VIRMA: variants seen among roughly 807,000 people sequenced by gnomAD.
VIRMA encodes the protein vir like m6A methyltransferase associated, also known as protein virilizer homolog.
VIRMA carries 65 observed loss-of-function variants against 182.4 expected under a neutral mutation model. That is an observed-to-expected ratio of 0.36 (90% CI 0.29 to 0.44). VIRMA has a LOEUF of 0.44. Among genes scored for constraint, VIRMA ranks in the 20% least tolerant of loss-of-function variants. The pLI is 1.00. For synonymous variants in VIRMA, 709 were observed against 743.1 expected, an observed-to-expected ratio of 0.95 and a Z score of 0.75; for missense variants, 1,752 against 2,158.1, an observed-to-expected ratio of 0.81 and a Z score of 3.73.
chr8:94,512,140 T>C (rs1814402700), intron 11 of VIRMA, 51 bp from the exon 12 acceptor site: 1 of 861,772 alleles, frequency 1.2e-6, no homozygotes, highest in Non-Finnish European at 1.6e-6. Context: ...ACCCATGAGA[T>C]CAACAGAAAA....
intron 4 of VIRMA, among the ~76,000 whole-genome samples, chr8:94,535,643 G>A (rs1306496845): frequency 1.3e-5 from 2 of 152,028 alleles, no homozygotes; most frequent in Non-Finnish European, 2.9e-5. Context: ...ATTAGCCAGG[G>A]TGGTGGCGGC....
rs201005475 is a variant in VIRMA at position 94,512,001 on chromosome 8, A to T, written c.2840T>A (p.Val947Asp). The T allele has an allele frequency of 6.6e-7, 1 of 1,519,446 alleles. No homozygotes were observed. Among genetic ancestry groups the T allele is most frequent in the East Asian group, 2.5e-5 (1 of 39,750 alleles). 94.1% of individuals were successfully genotyped at this position (1,519,446 alleles called of 1,614,324 possible). A position where few individuals can be genotyped will look rare whatever the true frequency, so the allele number is the denominator to read the frequency against. The change falls in exon 12 of 24, where the codon GTT becomes GAT. Residue 947 changes from valine to aspartate, a missense_variant. By Grantham distance (152) the Val-to-Asp change is radical. Transcript: ENST00000297591. ...LCNVACPPPP[V>D]EGQQKDLKWN... ...AAATACAGTAGCCACATTACCTTCA[A>T]CAGGAGGTGGTGGGCATGCAACATT...
intron 14 of VIRMA, 61 bp downstream of exon 14, chr8:94,510,356 G>T: frequency 7.3e-7 from 1 of 1,375,038 alleles, no homozygotes; most frequent in Non-Finnish European, 1.0e-6. Flanking sequence ...AATTGTAAGG[G>T]AAAAAATATA....
intron 7 of VIRMA, among the ~76,000 whole-genome samples, chr8:94,528,542 C>A (rs992954570): frequency 1.6e-4 from 24 of 152,210 alleles, no homozygotes; most frequent in African/African-American, 5.8e-4. Context: ...GTATCTCTCA[C>A]TTTTTGCTTT....
intron 8 of VIRMA, among the ~76,000 whole-genome samples, chr8:94,520,842 T>C (rs1447509904): frequency 1.3e-5 from 2 of 152,124 alleles, no homozygotes; most frequent in Admixed American, 1.3e-4. Context: ...TTAGTATCTC[T>C]AGGGAAAAAG....
chr8:94,528,231 C>CAAAAAAAAAAA (rs11368037), intron 7 of VIRMA, among the ~76,000 whole-genome samples: 6 of 91,822 alleles, frequency 6.5e-5, no homozygotes, highest in Admixed American at 1.1e-4. Flanking sequence ...GACTTTGTCT[C>CAAAAAAAAAAA]AAAAAAAAAA....
intron 4 of VIRMA, among the ~76,000 whole-genome samples, chr8:94,535,695 G>C (rs1157041098): frequency 6.6e-6 from 1 of 151,854 alleles, no homozygotes; most frequent in African/African-American, 2.4e-5. Flanking sequence ...GGAGAGAATT[G>C]CTTGAACCCA....
intron 16 of VIRMA, among the ~76,000 whole-genome samples, chr8:94,503,999 C>G (rs1465121284): frequency 2.0e-5 from 3 of 151,930 alleles, no homozygotes. Context: ...ATGGTGAAAC[C>G]CGCTCTCTAC....
chr8:94,499,245 C>T, intron 17 of VIRMA, 129 bp downstream of exon 17: 1 of 568,890 alleles, frequency 1.8e-6, no homozygotes, highest in Non-Finnish European at 2.8e-6. Context: ...AAGAGATCCT[C>T]CCACCTCAGC....
At chr8:94,551,149 C>T (rs1048473298) in intron 1 of VIRMA, among the ~76,000 whole-genome samples, 7 of 152,170 alleles carry the variant, frequency 4.6e-5, no homozygotes, top group Non-Finnish European at 8.8e-5. Flanking sequence ...GTAGAATGCC[C>T]TCCTTTCCTA....
In VIRMA at chr8:94,495,812, C is replaced by T. The variant is rs770722200; in HGVS notation, c.4463G>A (p.Gly1488Asp). 6.2e-7 allele frequency: 1 copy of T among 1,613,768 alleles called. No homozygotes were observed. The highest frequency in any genetic ancestry group is 8.5e-7 in the Non-Finnish European group (1 of 1,179,698). Residue 1488 changes from glycine to aspartate, a missense_variant, in exon 19 of 24, where the codon GGT becomes GAT. Transcript: ENST00000297591. ...CTGGTCACTGAGAGGTAAAGGGTCACCTGATGACTCCAGCATCTGCTTAAG... is the reference window on the plus strand; with the variant it reads ...CTGGTCACTGAGAGGTAAAGGGTCATCTGATGACTCCAGCATCTGCTTAAG... ...VGLKQMLESS[G>D]DPLPLSDQDV...
Position 94,529,198 on chromosome 8 carries a change from T to A in VIRMA, c.752A>T (p.Asp251Val), listed in dbSNP as rs1243981196. The change falls in exon 7 of 24, where the codon GAT becomes GTT. Residue 251 changes from aspartate to valine, a missense_variant. Physicochemically the swap from Asp to Val is radical, Grantham distance 152. Around this residue, in one of 11 missense-constraint regions of VIRMA, gnomAD observed 114 missense variants for 106.9 expected, o/e 1.07. Transcript: ENST00000297591. ...TTCCTCTACATCCACATCATCTTCA[T>A]CTTCTTCTCCTTCTTCTTGTTGTTC... ...EEEQQEEGEE[D>V]EDDVDVEEEE... is the part of the protein sequence containing the mutation. The A allele has an allele frequency of 4.2e-5, 62 of 1,488,294 alleles. No individual in the cohort carries two copies. Among genetic ancestry groups the A allele is most frequent in the Non-Finnish European group, 5.6e-5 (60 of 1,065,712 alleles). The allele number at this position is 1,488,294 out of a possible 1,614,324, so 92.2% of individuals were successfully genotyped here. A position where few individuals can be genotyped will look rare whatever the true frequency, so the allele number is the denominator to read the frequency against.
intron 17 of VIRMA, 138 bp from the exon 18 acceptor site, chr8:94,496,618 G>C (rs1325584124): frequency 3.4e-6 from 2 of 592,176 alleles, no homozygotes; most frequent in African/African-American, 1.9e-5. Context: ...CAAATGGCTA[G>C]TTTTAAGGAT....
chr8:94,551,839 T>G (rs1251561217), intron 1 of VIRMA, among the ~76,000 whole-genome samples: 1 of 152,112 alleles, frequency 6.6e-6, no homozygotes, highest in Non-Finnish European at 1.5e-5. Flanking sequence ...ATCCTTCCAC[T>G]TCAGCCTCCC....
At chr8:94,547,986 A>ACACCACTGCACTCCAACCTGGGCAAC (rs760357498) in intron 1 of VIRMA, among the ~76,000 whole-genome samples, 6,067 of 150,764 alleles carry the variant, frequency 0.04, 218 homozygotes, top group Non-Finnish European at 0.05. Context: ...AGTAAGCCAT[A>ACACCACTGCACTCCAACCTGGGCAAC]AGCACACCAC....
intron 15 of VIRMA, 21 bp from the exon 16 acceptor site, chr8:94,506,738 A>T: frequency 6.5e-7 from 1 of 1,544,770 alleles, no homozygotes; most frequent in Non-Finnish European, 8.9e-7. Context: ...CAGGGAAAAA[A>T]AAATCGATTT....
chr8:94,522,349 CTTGCAACTGGTT>C (rs1201188368), intron 8 of VIRMA, among the ~76,000 whole-genome samples: 3 of 152,180 alleles, frequency 2.0e-5, no homozygotes, highest in Non-Finnish European at 2.9e-5. Context: ...ACTCTGGAAG[CTTGCAACTGGTT>C]TTCCCAACTT....
At chr8:94,552,197 G>A (rs571387837) in intron 1 of VIRMA, among the ~76,000 whole-genome samples, 1 of 152,224 alleles carries the variant, frequency 6.6e-6, no homozygotes, top group Non-Finnish European at 1.5e-5. Context: ...AGTAAGAAAT[G>A]CTAACTCAAA....
chr8:94,498,237 A>G (rs540897769), intron 17 of VIRMA: 1 of 152,324 alleles, frequency 6.6e-6, no homozygotes, highest in Admixed American at 6.5e-5. Context: ...TTTGGAAAAT[A>G]CTAATGAGAG....
Sources: allele counts gnomAD v4.1 joint callset (sites outside exome capture counted in the v4.1 genomes callset), GRCh38; gene constraint gnomAD v4.1.1; regional missense constraint gnomAD v4.1.1; transcripts MANE v1.5; gene names NCBI Gene and HGNC (gene_info 2026-07-23, HGNC 2026-07-21).